Variants in ANGPT2 observed in about 807,000 individuals in gnomAD.
ANGPT2 encodes the protein angiopoietin-2.
Under a neutral mutation model 62.9 loss-of-function variants are expected in ANGPT2, and 28 were observed. That is an observed-to-expected ratio of 0.44 (90% CI 0.33 to 0.61). The LOEUF (loss-of-function observed/expected upper bound fraction) is 0.61. Among genes scored for constraint, ANGPT2 ranks in the 20% least tolerant of loss-of-function variants. The pLI is 0.03. For missense variants in ANGPT2, 727 were observed against 594.9 expected, an observed-to-expected ratio of 1.22 and a Z score of -2.31; for synonymous variants, 284 against 207.8, an observed-to-expected ratio of 1.37 and a Z score of -3.15.
intron 1 of ANGPT2, among the ~76,000 whole-genome samples, chr8:6,550,217 C>G (rs929595734): frequency 1.3e-5 from 2 of 152,230 alleles, no homozygotes; most frequent in South Asian, 4.1e-4. Context: ...CACTGGCTAC[C>G]GCTAGGTGGC....
At position 6,563,123 on chromosome 8, in the gene ANGPT2, G is replaced by T; in HGVS notation, c.-189C>A. 2 of 541,482 alleles carry T rather than the reference G, an allele frequency of 3.7e-6. No individual in the cohort carries two copies. The highest frequency in any genetic ancestry group is 6.4e-6 in the Non-Finnish European group (2 of 311,650). 33.5% of individuals were successfully genotyped at this position (541,482 alleles called of 1,614,324 possible). A position where few individuals can be genotyped will look rare whatever the true frequency, so the allele number is the denominator to read the frequency against. ...TTACTGCTGTGTTCTCTCCAGGCAT[G>T]CAGTAAACTGTCAGATTGCAGTGGG... On this transcript the variant is annotated 5_prime_UTR_variant, in exon 1 of 9. Transcript: ENST00000629816.
At chr8:6,523,890 AT>A (rs367933701) in intron 3 of ANGPT2, among the ~76,000 whole-genome samples, 11,105 of 143,942 alleles carry the variant, frequency 0.077, 480 homozygotes, top group African/African-American at 0.12. Context: ...CCTGGCTGGC[AT>A]TTTTTTTTTT....
chr8:6,514,537 G>C (rs563265135), intron 6 of ANGPT2, 140 bp downstream of exon 6: 3 of 726,106 alleles, frequency 4.1e-6, no homozygotes, highest in Admixed American at 4.5e-5. Context: ...ATTCTTTAAA[G>C]GGGAGACTGA....
intron 1 of ANGPT2, among the ~76,000 whole-genome samples, chr8:6,541,409 G>A (rs1263764904): frequency 6.6e-6 from 1 of 152,162 alleles, no homozygotes; most frequent in Admixed American, 6.5e-5. Context: ...GCGCTGGAGA[G>A]GAGAGGAGAG....
intron 1 of ANGPT2, among the ~76,000 whole-genome samples, chr8:6,534,405 A>G (rs966419403): frequency 2.0e-5 from 3 of 152,106 alleles, no homozygotes; most frequent in Admixed American, 6.5e-5. Context: ...GGATTTTGGT[A>G]TTCTCGGGAA....
chr8:6,513,945 G>T, intron 6 of ANGPT2, 101 bp from the exon 7 acceptor site: 1 of 1,143,020 alleles, frequency 8.7e-7, no homozygotes, highest in Non-Finnish European at 1.2e-6. Context: ...CTATCAAATA[G>T]CAGAAATTCC....
At chr8:6,536,606 A>G (rs571085309) in intron 1 of ANGPT2, among the ~76,000 whole-genome samples, 1 of 152,300 alleles carries the variant, frequency 6.6e-6, no homozygotes, top group Non-Finnish European at 1.5e-5. Context: ...GTTTTCTTCC[A>G]AAGATTAGTA....
intron 1 of ANGPT2, among the ~76,000 whole-genome samples, chr8:6,533,938 C>A (rs1474329234): frequency 6.6e-6 from 1 of 152,064 alleles, no homozygotes; most frequent in Non-Finnish European, 1.5e-5. Context: ...TAGATTGTGT[C>A]TTGTGACTGG....
intron 1 of ANGPT2, among the ~76,000 whole-genome samples, chr8:6,539,217 A>C (rs1821071629): frequency 6.6e-6 from 1 of 152,230 alleles, no homozygotes; most frequent in Non-Finnish European, 1.5e-5. Context: ...CCACAGTGAG[A>C]GGTGATGTTC....
At chr8:6,531,038 C>T (rs532425294) in intron 2 of ANGPT2, among the ~76,000 whole-genome samples, 2 of 152,266 alleles carry the variant, frequency 1.3e-5, no homozygotes, top group East Asian at 3.9e-4. Context: ...GAGTAGGAAG[C>T]CACTGACTTC....
intron 1 of ANGPT2, among the ~76,000 whole-genome samples, chr8:6,551,608 A>G (rs1051831604): frequency 2.0e-5 from 3 of 152,208 alleles, no homozygotes; most frequent in Non-Finnish European, 4.4e-5. Context: ...ACTGTTAAGA[A>G]CATGTCACTG....
At chr8:6,550,727 T>C (rs757681781) in intron 1 of ANGPT2, among the ~76,000 whole-genome samples, 1 of 152,214 alleles carries the variant, frequency 6.6e-6, no homozygotes, top group Non-Finnish European at 1.5e-5. Context: ...AGAAATTTTA[T>C]CAGAGTTTTG....
intron 3 of ANGPT2, among the ~76,000 whole-genome samples, chr8:6,527,222 C>A (rs1387265916): frequency 1.3e-5 from 2 of 150,472 alleles, no homozygotes; most frequent in African/African-American, 4.9e-5. Flanking sequence ...CTAAGAGGAT[C>A]TTTTGGGCCA....
At chr8:6,509,475 G>A (rs750810738) in intron 7 of ANGPT2, among the ~76,000 whole-genome samples, 4 of 152,180 alleles carry the variant, frequency 2.6e-5, no homozygotes, top group Non-Finnish European at 5.9e-5. Flanking sequence ...GGGGGCCCCG[G>A]GGGGGATGGA....
intron 8 of ANGPT2, among the ~76,000 whole-genome samples, chr8:6,503,670 C>T (rs536489811): frequency 3.3e-5 from 5 of 152,250 alleles, no homozygotes; most frequent in African/African-American, 1.2e-4. Flanking sequence ...CTCAGGCTCC[C>T]CTTGCTCTAT....
intron 5 of ANGPT2, 75 bp from the exon 6 acceptor site, chr8:6,514,853 G>T: frequency 7.6e-7 from 1 of 1,313,746 alleles, no homozygotes. Context: ...CAGGAGGAAT[G>T]TAGACCCTGA....
At chr8:6,532,574 T>TTAAA in intron 1 of ANGPT2, 87 bp from the exon 2 acceptor site, 1 of 589,542 alleles carries the variant, frequency 1.7e-6, no homozygotes, top group Non-Finnish European at 2.5e-6. Flanking sequence ...TCCCTATCTT[T>TTAAA]AAAAAAAAAA....
At chr8:6,527,814 C>T in intron 2 of ANGPT2, 138 bp from the exon 3 acceptor site, 1 of 837,474 alleles carries the variant, frequency 1.2e-6, no homozygotes, top group Non-Finnish European at 1.8e-6. Context: ...CTTATTTTGG[C>T]ATATTTTTCA....
chr8:6,551,564 T>C (rs963630159), intron 1 of ANGPT2, among the ~76,000 whole-genome samples: 1 of 152,218 alleles, frequency 6.6e-6, no homozygotes, highest in African/African-American at 2.4e-5. Flanking sequence ...CTTAATTTTT[T>C]TTAACTCATA....
Sources: gnomAD v4.1 joint callset for allele counts (sites outside exome capture counted in the v4.1 genomes callset) on GRCh38, gnomAD v4.1.1 for gene constraint, MANE v1.5 for transcripts, NCBI Gene and HGNC (gene_info 2026-07-23, HGNC 2026-07-21) for gene names.